Variants in RANBP2 observed in about 807,000 individuals in gnomAD.
The protein encoded by RANBP2 is RAN binding protein 2, also known as E3 SUMO-protein ligase RanBP2.
RANBP2 carries 57 observed loss-of-function variants against 303.6 expected under a neutral mutation model. The ratio of observed to expected loss-of-function variants is 0.19; its 90% CI spans 0.15 to 0.23. The LOEUF (loss-of-function observed/expected upper bound fraction) is 0.23. Ranked by LOEUF, RANBP2 falls within the 10% of genes least tolerant of loss-of-function variation. The pLI is 1.00. For synonymous variants in RANBP2, 1,167 were observed against 1,301.5 expected (o/e 0.90, Z 2.23); for missense variants, 3,138 against 3,780.8 (o/e 0.83, Z 4.46).
At chr2:109,353,659 C>T in the RANBP2 span, among the ~76,000 whole-genome samples, 1 of 152,232 alleles carries the variant, frequency 6.6e-6, no homozygotes, top group Non-Finnish European at 1.5e-5. Flanking sequence ...CATTCCTTCA[C>T]TCTTCAGATG....
chr2:108,808,721 G>T, the RANBP2 span, among the ~76,000 whole-genome samples: 1 of 152,026 alleles, frequency 6.6e-6, no homozygotes, highest in Non-Finnish European at 1.5e-5. Flanking sequence ...TTTTTTTGCT[G>T]TTGAGTTCCT....
chr2:108,919,794 C>T, the RANBP2 span, among the ~76,000 whole-genome samples: 2 of 152,204 alleles, frequency 1.3e-5, no homozygotes, highest in African/African-American at 2.4e-5. Flanking sequence ...GCCCTCTCCC[C>T]GCACTACGAA....
At chr2:109,422,703 G>A in the RANBP2 span, among the ~76,000 whole-genome samples, 1 of 152,190 alleles carries the variant, frequency 6.6e-6, no homozygotes, top group Non-Finnish European at 1.5e-5. Flanking sequence ...CCATGCTCCT[G>A]GGCACAGCCA....
the RANBP2 span, among the ~76,000 whole-genome samples, chr2:108,796,134 C>T: frequency 5.3e-5 from 8 of 152,066 alleles, no homozygotes; most frequent in African/African-American, 1.7e-4. Flanking sequence ...CTGCAAGCTC[C>T]GCCTCCTGGG....
At chr2:109,237,807 T>C in the RANBP2 span, among the ~76,000 whole-genome samples, 1 of 152,292 alleles carries the variant, frequency 6.6e-6, no homozygotes, top group East Asian at 1.9e-4. Context: ...AAACAAATAC[T>C]TTCTACACAA....
chr2:109,692,639 C>T, the RANBP2 span, among the ~76,000 whole-genome samples: 1 of 152,072 alleles, frequency 6.6e-6, no homozygotes, highest in South Asian at 2.1e-4. Flanking sequence ...GCCCACTTCC[C>T]CACTGCGGCC....
At chr2:109,090,045 G>A in the RANBP2 span, among the ~76,000 whole-genome samples, 1 of 152,058 alleles carries the variant, frequency 6.6e-6, no homozygotes, top group Non-Finnish European at 1.5e-5. Context: ...CTCATAATAA[G>A]AGAAAAAGGA....
At chr2:109,594,655 T>A in the RANBP2 span, 2 of 152,182 alleles carry the variant, frequency 1.3e-5, no homozygotes, top group Admixed American at 6.5e-5. Flanking sequence ...GGCATTGCAA[T>A]GAAAGAGAGA....
the RANBP2 span, among the ~76,000 whole-genome samples, chr2:108,830,131 A>C: frequency 1.3e-5 from 2 of 152,222 alleles, no homozygotes; most frequent in Non-Finnish European, 2.9e-5. Flanking sequence ...CCCTGAAGCT[A>C]TTGTAAATGA....
the RANBP2 span, among the ~76,000 whole-genome samples, chr2:108,866,425 A>G: frequency 1.3e-5 from 2 of 152,198 alleles, no homozygotes; most frequent in South Asian, 4.1e-4. Context: ...CATTCAGCCT[A>G]CCACACTAGT....
At chr2:109,612,991 A>G in the RANBP2 span, 2 of 456,692 alleles carry the variant, frequency 4.4e-6, no homozygotes, top group Non-Finnish European at 8.7e-6. Context: ...CAGCCTCCAA[A>G]GAGCTTTTGT....
the RANBP2 span, among the ~76,000 whole-genome samples, chr2:109,558,053 T>C: frequency 4.6e-5 from 7 of 152,244 alleles, no homozygotes; most frequent in South Asian, 2.1e-4. Context: ...TGGCCTCCCA[T>C]AGTGTTGGGA....
the RANBP2 span, among the ~76,000 whole-genome samples, chr2:108,987,418 G>A: frequency 1.3e-5 from 2 of 152,198 alleles, no homozygotes; most frequent in South Asian, 2.1e-4. Context: ...GCCGCCCAAT[G>A]GCAGGCACTG....
At chr2:109,711,716 C>A in the RANBP2 span, among the ~76,000 whole-genome samples, 13 of 152,320 alleles carry the variant, frequency 8.5e-5, no homozygotes, top group South Asian at 2.7e-3. Flanking sequence ...GACCCCTCAG[C>A]CTGCCTCCTC....
At chr2:109,758,407 CAAAA>C in the RANBP2 span, among the ~76,000 whole-genome samples, 1 of 113,506 alleles carries the variant, frequency 8.8e-6, no homozygotes, top group Admixed American at 9.0e-5. Flanking sequence ...GATTCCATCT[CAAAA>C]AAAAAAAAAA....
the RANBP2 span, among the ~76,000 whole-genome samples, chr2:108,914,629 G>A: frequency 1.3e-5 from 2 of 152,204 alleles, no homozygotes; most frequent in African/African-American, 4.8e-5. Flanking sequence ...CCTAAAAGAA[G>A]ATCAACCTTC....
the RANBP2 span, among the ~76,000 whole-genome samples, chr2:109,074,228 G>T: frequency 6.6e-6 from 1 of 150,474 alleles, no homozygotes; most frequent in African/African-American, 2.4e-5. Context: ...ATTTAGCCAG[G>T]TGTAGTGGCA....
chr2:109,078,847 C>T, the RANBP2 span, among the ~76,000 whole-genome samples: 252 of 150,282 alleles, frequency 1.7e-3, no homozygotes, highest in African/African-American at 3.7e-3. Flanking sequence ...AAAAAATAGC[C>T]GGGTGTGGTG....
the RANBP2 span, among the ~76,000 whole-genome samples, chr2:109,178,439 A>G: frequency 2.0e-5 from 3 of 152,242 alleles, no homozygotes; most frequent in Admixed American, 1.3e-4. Context: ...TGTGAGCTCT[A>G]GATGGTCTCC....
Sources: allele counts gnomAD v4.1 joint callset (sites outside exome capture counted in the v4.1 genomes callset), GRCh38; gene constraint gnomAD v4.1.1; transcripts MANE v1.5; gene names NCBI Gene and HGNC (gene_info 2026-07-23, HGNC 2026-07-21).